The following GAB2 variants were observed in gnomAD, a reference collection of about 807,000 sequenced individuals.
GAB2 encodes the protein GRB2-associated-binding protein 2.
In GAB2, 26 loss-of-function variants were observed where a neutral mutation model predicts 65.5. The ratio of observed to expected loss-of-function variants is 0.40; its 90% CI spans 0.29 to 0.55. GAB2 has a LOEUF of 0.55. Ranked by LOEUF, GAB2 falls within the 20% of genes least tolerant of loss-of-function variation. The pLI, the probability that GAB2 is intolerant of heterozygous loss-of-function variation, is 0.53. For missense variants in GAB2, 884 were observed against 875.8 expected, an observed-to-expected ratio of 1.01 and a Z score of -0.12; for synonymous variants, 321 against 329.6, an observed-to-expected ratio of 0.97 and a Z score of 0.28.
At chr11:78,277,995 A>G (rs1866221734) in intron 2 of GAB2, among the ~76,000 whole-genome samples, 1 of 151,692 alleles carries the variant, frequency 6.6e-6, no homozygotes, top group African/African-American at 2.4e-5. Context: ...GCAGACCCAG[A>G]TAGATTTGCC....
chr11:78,253,370 T>C (rs1014614332), intron 2 of GAB2, among the ~76,000 whole-genome samples: 2 of 152,128 alleles, frequency 1.3e-5, no homozygotes, highest in African/African-American at 4.8e-5. Flanking sequence ...TAGCTCACTA[T>C]AACCTCGAAC....
chr11:78,225,605 T>G (rs1314792855), intron 4 of GAB2, among the ~76,000 whole-genome samples: 1 of 152,252 alleles, frequency 6.6e-6, no homozygotes, highest in East Asian at 1.9e-4. Flanking sequence ...ACATGTTTTA[T>G]GTATGTCTTT....
chr11:78,364,646 C>G (rs963862444), intron 1 of GAB2, among the ~76,000 whole-genome samples: 1 of 152,164 alleles, frequency 6.6e-6, no homozygotes, highest in East Asian at 1.9e-4. Flanking sequence ...GCCATCCCCC[C>G]AAATTCCTCT....
chr11:78,289,298 C>G lies in GAB2; in HGVS notation c.76-8397G>C, dbSNP rs1166152476. On this transcript the variant is annotated intron_variant, in intron 1 of 9. Coordinates refer to ENST00000361507, the MANE Select transcript of GAB2 (RefSeq NM_080491.3). ...TTTCAAGAAATGGTGCCAAAGCAAT[C>G]AAGCATCCATAGGGGAGTAAAGACC... is the stretch of plus-strand genomic sequence containing the variant. Among the ~76,000 whole-genome samples the G allele has an allele frequency of 4.6e-5, 7 of 152,124 alleles. No homozygotes were observed. The East Asian group carries it at 1.3e-3, about 29-fold the overall frequency.
At chr11:78,287,428 C>G (rs1287263076) in intron 1 of GAB2, among the ~76,000 whole-genome samples, 1 of 152,058 alleles carries the variant, frequency 6.6e-6, no homozygotes, top group Non-Finnish European at 1.5e-5. Context: ...CAGGTGCATG[C>G]CACTATGCCT....
At chr11:78,361,910 T>G (rs994659498) in intron 1 of GAB2, among the ~76,000 whole-genome samples, 1 of 152,200 alleles carries the variant, frequency 6.6e-6, no homozygotes, top group Non-Finnish European at 1.5e-5. Context: ...ATGTGCATTT[T>G]GGGATCTATT....
intron 1 of GAB2, among the ~76,000 whole-genome samples, chr11:78,401,981 A>G (rs1565186099): frequency 6.6e-6 from 1 of 152,216 alleles, no homozygotes; most frequent in African/African-American, 2.4e-5. Flanking sequence ...TACTCAAATA[A>G]TCTGTTGGAA....
chr11:78,288,331 A>G (rs1866546051), intron 1 of GAB2, among the ~76,000 whole-genome samples: 2 of 141,912 alleles, frequency 1.4e-5, no homozygotes, highest in African/African-American at 5.2e-5. Flanking sequence ...GTGAGCTGAG[A>G]TGGTGCCACT....
chr11:78,226,338 TG>T, intron 4 of GAB2, 126 bp downstream of exon 4: 1 of 738,602 alleles, frequency 1.4e-6, no homozygotes. Flanking sequence ...CCTATGTTTT[TG>T]AGTATCAGTG....
At chr11:78,301,412 C>T (rs1867016153) in intron 1 of GAB2, among the ~76,000 whole-genome samples, 1 of 150,670 alleles carries the variant, frequency 6.6e-6, no homozygotes, top group Admixed American at 6.6e-5. Context: ...TCACTGCAAC[C>T]TCTGCCTCCC....
In GAB2 at chr11:78,247,045, A is replaced by G. The variant is rs541956690; in HGVS notation, c.620+3112T>C. Among the ~76,000 whole-genome samples the G allele has an allele frequency of 1.2e-4, 18 of 152,270 alleles. No homozygotes were observed. In the South Asian group the frequency reaches 2.1e-3, roughly 18 times the overall value. On this transcript the variant is annotated intron_variant, in intron 3 of 9. Coordinates refer to ENST00000361507, the MANE Select transcript of GAB2 (RefSeq NM_080491.3). ...AATATACTAGCTCCTTCCAGCCCCA[A>G]TGGGGCTCCTCTTCTGGTTCCCCTA... is the stretch of plus-strand genomic sequence containing the variant.
At chr11:78,271,090 G>A (rs1160108313) in intron 2 of GAB2, among the ~76,000 whole-genome samples, 1 of 152,226 alleles carries the variant, frequency 6.6e-6, no homozygotes, top group Non-Finnish European at 1.5e-5. Flanking sequence ...AGGGGTGATG[G>A]CTTTCCTAAC....
At chr11:78,343,551 T>C (rs1426820644) in intron 1 of GAB2, among the ~76,000 whole-genome samples, 4 of 152,174 alleles carry the variant, frequency 2.6e-5, no homozygotes, top group African/African-American at 7.2e-5. Flanking sequence ...TACATTATTG[T>C]AGACATACTA....
intron 3 of GAB2, among the ~76,000 whole-genome samples, chr11:78,228,958 A>G (rs1864763197): frequency 6.6e-6 from 1 of 152,004 alleles, no homozygotes; most frequent in African/African-American, 2.4e-5. Context: ...GGATTTGTTC[A>G]TTTTACATTT....
chr11:78,390,950 T>A (rs1856826875), intron 1 of GAB2, among the ~76,000 whole-genome samples: 2 of 152,146 alleles, frequency 1.3e-5, no homozygotes, highest in South Asian at 4.1e-4. Context: ...CCAAGTAAGA[T>A]TTCCAGCAGA....
In GAB2 at chr11:78,280,933, G is replaced by A. The variant is rs1479382081; in HGVS notation, c.76-32C>T. ...CATATCAGGAAGGAGTAAGAAGAGGGGGAAGAAGTCATTAGTTATTTCAAA... is the reference window on the plus strand; with the variant it reads ...CATATCAGGAAGGAGTAAGAAGAGGAGGAAGAAGTCATTAGTTATTTCAAA... On this transcript the variant is annotated intron_variant, in intron 1 of 9. Coordinates refer to ENST00000361507, the MANE Select transcript of GAB2 (RefSeq NM_080491.3). 2.6e-6 allele frequency: 4 copies of A among 1,564,528 alleles called. No homozygotes were observed. In the African/African-American group the frequency reaches 4.1e-5, roughly 16 times the overall value.
intron 3 of GAB2, among the ~76,000 whole-genome samples, chr11:78,244,521 A>T (rs1422496613): frequency 6.6e-6 from 1 of 152,162 alleles, no homozygotes; most frequent in African/African-American, 2.4e-5. Context: ...CAAGCTATTC[A>T]TCTGATGGAA....
intron 1 of GAB2, among the ~76,000 whole-genome samples, chr11:78,298,449 C>T (rs1182481246): frequency 6.6e-6 from 1 of 152,122 alleles, no homozygotes; most frequent in African/African-American, 2.4e-5. Flanking sequence ...GACAAAGGGA[C>T]AAGATGAATT....
At chr11:78,284,179 C>T (rs1286252548) in intron 1 of GAB2, among the ~76,000 whole-genome samples, 1 of 152,176 alleles carries the variant, frequency 6.6e-6, no homozygotes, top group Non-Finnish European at 1.5e-5. Context: ...TACATCTAAC[C>T]CAAAAGCAAA....
Sources: allele counts gnomAD v4.1 joint callset (sites outside exome capture counted in the v4.1 genomes callset), GRCh38; gene constraint gnomAD v4.1.1; transcripts MANE v1.5; gene names NCBI Gene and HGNC (gene_info 2026-07-23, HGNC 2026-07-21).